The following GOLM2 variants were observed in gnomAD, a reference collection of about 807,000 sequenced individuals.
The protein encoded by GOLM2 is golgi membrane protein 2.
GOLM2 carries 26 observed loss-of-function variants against 55.9 expected under a neutral mutation model. The observed-to-expected ratio is 0.47, with a 90% CI of 0.34 to 0.65. The LOEUF is 0.65. Ranked by LOEUF, GOLM2 falls within the 30% of genes least tolerant of loss-of-function variation. The probability of loss-of-function intolerance (pLI) is 0.01; values close to 1 mark genes in which losing one functional copy is unlikely to be tolerated. For missense variants in GOLM2, 486 were observed against 531.8 expected (o/e 0.91, Z 0.85); for synonymous variants, 165 against 194.6 (o/e 0.85, Z 1.27).
chr15:44,289,419 G>C lies in GOLM2; in HGVS notation c.327+63G>C. 1 of 1,421,036 alleles carries C rather than the reference G, an allele frequency of 7.0e-7. No homozygotes were observed. Among genetic ancestry groups the C allele is most frequent in the Non-Finnish European group, 9.6e-7 (1 of 1,046,998 alleles). 88.0% of individuals were successfully genotyped at this position (1,421,036 alleles called of 1,614,324 possible). On this transcript the variant is annotated intron_variant, in intron 1 of 9. Coordinates refer to ENST00000299957, the MANE Select transcript of GOLM2 (RefSeq NM_138423.4). The surrounding 1 kb of genome is among the most constrained non-coding windows in gnomAD (Gnocchi z 4.8). The stretch of plus-strand genomic sequence containing the variant: ...CTTTTCTCCCCGGGGTCTGGGGCGG[G>C]ATGTTAATCCGCTAGCTGTTGTCTT...
At chr15:44,301,238 G>A (rs556782894) in intron 1 of GOLM2, among the ~76,000 whole-genome samples, 114 of 152,162 alleles carry the variant, frequency 7.5e-4, no homozygotes, top group South Asian at 2.3e-3. Context: ...GAGCCACCAT[G>A]CCTGGCTACA....
In GOLM2 at chr15:44,289,087, G is replaced by C; in HGVS notation, c.58G>C (p.Val20Leu). ...CCGCCTGCCCTCTCTCGTGCTGGTG[G>C]TGCTGCTGGTGGTGATCGTCGTCCT... ...AGRLPSLVLV[V>L]LLVVIVVLAF... Residue 20 changes from valine to leucine, a missense_variant, in exon 1 of 10, where the codon GTG (valine) becomes CTG (leucine). Val to Leu is a conservative substitution (Grantham distance 32, BLOSUM62 1). Transcript: ENST00000299957. The surrounding 1 kb of genome is among the most constrained non-coding windows in gnomAD (Gnocchi z 4.8). 1 of 1,614,150 alleles carries C rather than the reference G, an allele frequency of 6.2e-7. No individual in the cohort carries two copies. Among genetic ancestry groups the C allele is most frequent in the Non-Finnish European group, 8.5e-7 (1 of 1,180,006 alleles).
chr15:44,326,685 T>G (rs2141134742), intron 2 of GOLM2, among the ~76,000 whole-genome samples: 1 of 150,220 alleles, frequency 6.7e-6, no homozygotes, highest in South Asian at 2.1e-4. Context: ...GGATTCTCGC[T>G]CTGTTGTCCA....
chr15:44,407,520 G>A (rs2079605543), intron 9 of GOLM2, among the ~76,000 whole-genome samples: 1 of 151,530 alleles, frequency 6.6e-6, no homozygotes, highest in African/African-American at 2.4e-5. Flanking sequence ...AAGCAATCAG[G>A]CCACCTCGGT....
chr15:44,380,472 A>G (rs1043455031), intron 7 of GOLM2, among the ~76,000 whole-genome samples: 23 of 152,232 alleles, frequency 1.5e-4, no homozygotes, highest in African/African-American at 5.5e-4. Context: ...TCTGATAGTG[A>G]TATGGAATTT....
intron 8 of GOLM2, among the ~76,000 whole-genome samples, chr15:44,396,704 G>T (rs1349257003): frequency 6.6e-6 from 1 of 152,172 alleles, no homozygotes; most frequent in Non-Finnish European, 1.5e-5. Flanking sequence ...TGGAGCATAT[G>T]AAGTTAGACC....
chr15:44,325,609 T>TTC (rs1201087485), intron 2 of GOLM2, among the ~76,000 whole-genome samples: 8 of 152,230 alleles, frequency 5.3e-5, no homozygotes, highest in African/African-American at 1.9e-4. Flanking sequence ...TGAAGTCTCT[T>TTC]TCTGGTAGTT....
chr15:44,290,668 T>C (rs892977866), intron 1 of GOLM2, among the ~76,000 whole-genome samples: 1 of 152,198 alleles, frequency 6.6e-6, no homozygotes, highest in Non-Finnish European at 1.5e-5. Context: ...TAAAGTAAGG[T>C]CTTCCTACTT....
chr15:44,406,982 T>C (rs2079601037), intron 9 of GOLM2: 1 of 151,198 alleles, frequency 6.6e-6, no homozygotes, highest in Non-Finnish European at 1.5e-5. Context: ...GCACTACTTG[T>C]AGAGTGTTTT....
intron 6 of GOLM2, among the ~76,000 whole-genome samples, chr15:44,357,445 A>C (rs920581784): frequency 2.0e-5 from 3 of 152,214 alleles, no homozygotes; most frequent in African/African-American, 4.8e-5. Context: ...ACAAGTAACA[A>C]CATACCTAGT....
At chr15:44,375,706 C>G (rs930685548) in intron 6 of GOLM2, among the ~76,000 whole-genome samples, 2 of 152,040 alleles carry the variant, frequency 1.3e-5, no homozygotes, top group African/African-American at 4.8e-5. Flanking sequence ...GCTTGAGCCC[C>G]GGAGGTCGGG....
chr15:44,288,979 G>T lies in GOLM2; in HGVS notation c.-51G>T. On this transcript the variant is annotated 5_prime_UTR_variant, in exon 1 of 10. Transcript: ENST00000299957. ...AACTCCAGCCGAGGCCTGGGCTTCT[G>T]CCTGCAGGTGTCTGCGGCGAGGCCC... is the stretch of plus-strand genomic sequence containing the variant. 1 of 1,516,648 alleles carries T rather than the reference G, an allele frequency of 6.6e-7. No individual in the cohort carries two copies. 93.9% of individuals were successfully genotyped at this position (1,516,648 alleles called of 1,614,324 possible).
At chr15:44,388,533 G>A (rs986538152) in intron 8 of GOLM2, among the ~76,000 whole-genome samples, 6 of 152,038 alleles carry the variant, frequency 3.9e-5, no homozygotes, top group African/African-American at 1.4e-4. Flanking sequence ...AATTAGCTGG[G>A]CATGGAGGCG....
chr15:44,367,120 C>T (rs2079290927), intron 6 of GOLM2, among the ~76,000 whole-genome samples: 1 of 151,578 alleles, frequency 6.6e-6, no homozygotes, highest in South Asian at 2.1e-4. Flanking sequence ...CATAGACATA[C>T]TCATTTGTTT....
At chr15:44,312,710 C>T (rs766959307) in intron 1 of GOLM2, among the ~76,000 whole-genome samples, 25 of 152,124 alleles carry the variant, frequency 1.6e-4, no homozygotes, top group Non-Finnish European at 3.2e-4. Context: ...CTTTGGGAGG[C>T]CAAAGCAGGC....
intron 1 of GOLM2, among the ~76,000 whole-genome samples, chr15:44,300,132 AGAG>A (rs373227048): frequency 1.6e-3 from 224 of 142,508 alleles, no homozygotes; most frequent in Admixed American, 3.1e-3. Context: ...AGAAAAGAAG[AGAG>A]GAGAGGAGGG....
At chr15:44,345,645 G>T (rs538319066) in intron 6 of GOLM2, among the ~76,000 whole-genome samples, 2 of 151,938 alleles carry the variant, frequency 1.3e-5, no homozygotes, top group Admixed American at 6.6e-5. Context: ...GAGGAAAATC[G>T]TATTTCTTTC....
At chr15:44,321,502 G>A (rs954024690) in intron 1 of GOLM2, among the ~76,000 whole-genome samples, 1 of 149,908 alleles carries the variant, frequency 6.7e-6, no homozygotes, top group Admixed American at 6.7e-5. Flanking sequence ...TGGGGGGATA[G>A]CATGAGGGAG....
chr15:44,332,159 C>T (rs2079026737), intron 4 of GOLM2, 81 bp downstream of exon 4: 2 of 756,924 alleles, frequency 2.6e-6, no homozygotes, highest in Non-Finnish European at 4.2e-6. Flanking sequence ...ATAATTTTGT[C>T]ACAAAACACT....
Sources: gnomAD v4.1 joint callset for allele counts (sites outside exome capture counted in the v4.1 genomes callset) on GRCh38, gnomAD v4.1.1 for gene constraint, Gnocchi (gnomAD v3.1) non-coding constraint, MANE v1.5 for transcripts, NCBI Gene and HGNC (gene_info 2026-07-23, HGNC 2026-07-21) for gene names.